Variants in CDKAL1 observed in about 807,000 individuals in gnomAD.
The protein encoded by CDKAL1 is threonylcarbamoyladenosine tRNA methylthiotransferase.
CDKAL1 carries 32 observed loss-of-function variants against 68.2 expected under a neutral mutation model. That is an observed-to-expected ratio of 0.47 (90% CI 0.35 to 0.63). CDKAL1 has a LOEUF of 0.63. CDKAL1 is among the 30% of genes least tolerant of loss of function. The pLI is 0.00. For synonymous variants in CDKAL1, 234 were observed against 244.3 expected, an observed-to-expected ratio of 0.96 and a Z score of 0.39; for missense variants, 606 against 696.7, an observed-to-expected ratio of 0.87 and a Z score of 1.47.
At chr6:20,670,636 C>T (rs1007590294) in intron 5 of CDKAL1, among the ~76,000 whole-genome samples, 2 of 152,110 alleles carry the variant, frequency 1.3e-5, no homozygotes, top group Non-Finnish European at 2.9e-5. Context: ...GAAGAGTGGT[C>T]TCTTATTCCC....
At chr6:20,570,582 G>A (rs1417689545) in intron 4 of CDKAL1, among the ~76,000 whole-genome samples, 1 of 152,106 alleles carries the variant, frequency 6.6e-6, no homozygotes, top group East Asian at 1.9e-4. Context: ...TGAATTTTTA[G>A]TAGAGACAGA....
chr6:20,961,440 A>T (rs12524678), intron 10 of CDKAL1, among the ~76,000 whole-genome samples: 8,919 of 152,214 alleles, frequency 0.059, 394 homozygotes, highest in East Asian at 0.19. Context: ...GGCCTGCTTG[A>T]GGGAGATCAG....
intron 9 of CDKAL1, among the ~76,000 whole-genome samples, chr6:20,872,464 C>A (rs1760273714): frequency 6.6e-6 from 1 of 152,050 alleles, no homozygotes; most frequent in South Asian, 2.1e-4. Context: ...AGTTGGGTTT[C>A]AAAGAACACA....
At chr6:21,149,823 C>T (rs961903256) in intron 13 of CDKAL1, among the ~76,000 whole-genome samples, 7 of 152,124 alleles carry the variant, frequency 4.6e-5, no homozygotes, top group Non-Finnish European at 7.4e-5. Context: ...CCAAAATGTG[C>T]AGCAGCCAAA....
intron 10 of CDKAL1, among the ~76,000 whole-genome samples, chr6:20,984,076 G>GT (rs1766306452): frequency 6.6e-6 from 1 of 152,098 alleles, no homozygotes; most frequent in Admixed American, 6.6e-5. Context: ...AAACTACTAC[G>GT]TTTTTTTCTG....
At chr6:20,816,332 C>G (rs1302615413) in intron 8 of CDKAL1, among the ~76,000 whole-genome samples, 1 of 152,150 alleles carries the variant, frequency 6.6e-6, no homozygotes, top group African/African-American at 2.4e-5. Flanking sequence ...CTGTTAATGT[C>G]AAAGCTTTCT....
chr6:21,133,438 A>AT (rs1331735844), intron 13 of CDKAL1, among the ~76,000 whole-genome samples: 3 of 152,090 alleles, frequency 2.0e-5, no homozygotes, highest in South Asian at 2.1e-4. Context: ...CTGAGCTATG[A>AT]TTTTTTTATC....
At chr6:20,635,696 G>A (rs1767875261) in intron 4 of CDKAL1, among the ~76,000 whole-genome samples, 1 of 152,176 alleles carries the variant, frequency 6.6e-6, no homozygotes, top group African/African-American at 2.4e-5. Flanking sequence ...CAGCCCTTAG[G>A]CTGGTAGTAG....
At chr6:20,897,418 T>C (rs1380785043) in intron 9 of CDKAL1, among the ~76,000 whole-genome samples, 1 of 151,812 alleles carries the variant, frequency 6.6e-6, no homozygotes, top group African/African-American at 2.4e-5. Context: ...AGCAGAGGCC[T>C]CCCAATCCTG....
intron 9 of CDKAL1, among the ~76,000 whole-genome samples, chr6:20,872,170 T>G (rs549052503): frequency 5.3e-5 from 8 of 152,310 alleles, no homozygotes; most frequent in African/African-American, 1.7e-4. Context: ...CATATTTTAA[T>G]TTAAAAATGT....
chr6:20,557,875 G>A (rs114261957), intron 4 of CDKAL1, among the ~76,000 whole-genome samples: 3,387 of 152,154 alleles, frequency 0.022, 129 homozygotes, highest in African/African-American at 0.076. Flanking sequence ...TCCAGTGAGC[G>A]GTGATCACAC....
At chr6:20,836,836 G>T (rs1364981687) in intron 8 of CDKAL1, among the ~76,000 whole-genome samples, 1 of 152,116 alleles carries the variant, frequency 6.6e-6, no homozygotes, top group African/African-American at 2.4e-5. Flanking sequence ...TGTAGGAGAA[G>T]AGGCACTAAA....
At chr6:21,082,932 G>A (rs1028574891) in intron 12 of CDKAL1, among the ~76,000 whole-genome samples, 7 of 147,862 alleles carry the variant, frequency 4.7e-5, no homozygotes, top group Non-Finnish European at 1.0e-4. Context: ...GGAGTGCAGC[G>A]GCACAGTCAC....
chr6:20,830,422 G>A (rs1001420821), intron 8 of CDKAL1, among the ~76,000 whole-genome samples: 8 of 152,006 alleles, frequency 5.3e-5, no homozygotes, highest in Non-Finnish European at 8.8e-5. Flanking sequence ...ATGATTCACC[G>A]TACTCTGTTT....
chr6:20,627,487 T>G (rs1767483506), intron 4 of CDKAL1, among the ~76,000 whole-genome samples: 1 of 152,128 alleles, frequency 6.6e-6, no homozygotes, highest in Non-Finnish European at 1.5e-5. Context: ...CAGAAAGTAT[T>G]GATTGGTGTA....
chr6:20,926,406 A>T (rs1581843969), intron 9 of CDKAL1, among the ~76,000 whole-genome samples: 1 of 152,076 alleles, frequency 6.6e-6, no homozygotes, highest in East Asian at 1.9e-4. Flanking sequence ...GAAAATGGTT[A>T]AAAAAAGAGA....
At chr6:20,569,930 C>G (rs906078145) in intron 4 of CDKAL1, among the ~76,000 whole-genome samples, 26 of 152,054 alleles carry the variant, frequency 1.7e-4, no homozygotes, top group Non-Finnish European at 7.4e-5. Context: ...TTCTTCTGGG[C>G]TTTAATACGT....
At chr6:21,068,886 T>C (rs191454801) in intron 12 of CDKAL1, among the ~76,000 whole-genome samples, 12 of 152,320 alleles carry the variant, frequency 7.9e-5, no homozygotes, top group Admixed American at 7.8e-4. Context: ...TTTCTATCGA[T>C]AATGTTTTAT....
chr6:21,161,260 T>G (rs1287357965), intron 13 of CDKAL1, among the ~76,000 whole-genome samples: 1 of 152,180 alleles, frequency 6.6e-6, no homozygotes, highest in African/African-American at 2.4e-5. Flanking sequence ...CGTATGAGAT[T>G]GACGTTATCA....
Sources: allele counts gnomAD v4.1 joint callset (sites outside exome capture counted in the v4.1 genomes callset), GRCh38; gene constraint gnomAD v4.1.1; transcripts MANE v1.5; gene names NCBI Gene and HGNC (gene_info 2026-07-23, HGNC 2026-07-21).